The following FHIT variants were observed in gnomAD, a reference collection of about 807,000 sequenced individuals.
FHIT encodes the protein fragile histidine triad diadenosine triphosphatase.
Under a neutral mutation model 17.9 loss-of-function variants are expected in FHIT, and 19 were observed. The observed-to-expected ratio is 1.06, with a 90% CI of 0.74 to 1.56. FHIT has a LOEUF of 1.56. Among genes scored for constraint, FHIT ranks in the 40% most tolerant of loss-of-function variants. FHIT has a pLI of 0.00. For missense variants in FHIT, 248 were observed against 189.2 expected (o/e 1.31, Z -1.82); for synonymous variants, 81 against 69.7 (o/e 1.16, Z -0.81).
At chr3:60,485,257 G>GT (rs2033787059) in intron 5 of FHIT, among the ~76,000 whole-genome samples, 1 of 152,134 alleles carries the variant, frequency 6.6e-6, no homozygotes, top group African/African-American at 2.4e-5. Context: ...GATTCCTCAA[G>GT]GATCTAGAAC....
chr3:60,524,717 T>G, intron 5 of FHIT, among the ~76,000 whole-genome samples: 1 of 124,306 alleles, frequency 8.0e-6, no homozygotes, highest in South Asian at 3.1e-4. Flanking sequence ...ACCACATCAC[T>G]CCAGTCTGCC....
At chr3:60,637,673 T>A (rs1553684287) in intron 4 of FHIT, among the ~76,000 whole-genome samples, 1 of 152,212 alleles carries the variant, frequency 6.6e-6, no homozygotes, top group Non-Finnish European at 1.5e-5. Context: ...ATGTGAACAC[T>A]GAAGTGCAGA....
intron 3 of FHIT, among the ~76,000 whole-genome samples, chr3:61,004,234 G>C (rs1045340427): frequency 1.3e-5 from 2 of 152,120 alleles, no homozygotes; most frequent in Admixed American, 1.3e-4. Context: ...TAATGTTAAT[G>C]GCAAAAATGG....
At chr3:61,139,217 G>A (rs2037004488) in intron 2 of FHIT, among the ~76,000 whole-genome samples, 2 of 152,032 alleles carry the variant, frequency 1.3e-5, no homozygotes, top group Admixed American at 1.3e-4. Context: ...TTTTAGTAGA[G>A]ACGGGATTTC....
intron 3 of FHIT, among the ~76,000 whole-genome samples, chr3:60,983,759 TG>T (rs375697295): frequency 2.0e-5 from 3 of 152,102 alleles, no homozygotes; most frequent in African/African-American, 7.2e-5. Context: ...ATGGCAAGCA[TG>T]GGACATATAG....
chr3:60,988,632 C>T (rs1416821260), intron 3 of FHIT, among the ~76,000 whole-genome samples: 1 of 152,148 alleles, frequency 6.6e-6, no homozygotes, highest in East Asian at 1.9e-4. Context: ...AGCATTTGAT[C>T]GGCATGATAC....
At chr3:60,960,959 G>A (rs1709403371) in intron 3 of FHIT, among the ~76,000 whole-genome samples, 1 of 152,206 alleles carries the variant, frequency 6.6e-6, no homozygotes. Flanking sequence ...GTAATGGGAT[G>A]GCTGGGTCAA....
At chr3:60,432,917 C>T (rs1216657411) in intron 5 of FHIT, among the ~76,000 whole-genome samples, 1 of 148,870 alleles carries the variant, frequency 6.7e-6, no homozygotes, top group Non-Finnish European at 1.5e-5. Context: ...GAAGAATTGT[C>T]TTTTTTTTTT....
At chr3:60,524,796 C>T (rs1433939726) in intron 5 of FHIT, among the ~76,000 whole-genome samples, 1 of 152,134 alleles carries the variant, frequency 6.6e-6, no homozygotes, top group East Asian at 1.9e-4. Context: ...AGGACACTGC[C>T]ATTGGATGTA....
At chr3:59,856,998 T>C (rs969261343) in intron 8 of FHIT, among the ~76,000 whole-genome samples, 2 of 152,096 alleles carry the variant, frequency 1.3e-5, no homozygotes, top group Non-Finnish European at 2.9e-5. Flanking sequence ...TCACATAAGT[T>C]GCAAAAAGTC....
chr3:60,375,105 A>G (rs1245852087), intron 5 of FHIT, among the ~76,000 whole-genome samples: 1 of 16,734 alleles, frequency 6.0e-5, no homozygotes, highest in Admixed American at 4.0e-4. Flanking sequence ...GCTCCTTTTG[A>G]AAAAAAAAAA....
In FHIT at chr3:60,224,196, A is replaced by G. The variant is rs181825769; in HGVS notation, c.104-210044T>C. 4.0e-3 allele frequency among the ~76,000 whole-genome samples: 608 copies of G among 152,206 alleles called. 5 individuals are homozygous for G. The highest frequency in any genetic ancestry group is 5.8e-3 in the Non-Finnish European group (392 of 68,002). On this transcript the variant is annotated intron_variant, in intron 5 of 9. Transcript: ENST00000492590. Reference sequence around the variant, plus strand: ...GTACCGATTTTATCCCCCTTCCGCTATCTTCCAGAAGACAGCACTGAGGTT... The same window carrying G: ...GTACCGATTTTATCCCCCTTCCGCTGTCTTCCAGAAGACAGCACTGAGGTT...
chr3:60,477,713 T>C (rs899781245), intron 5 of FHIT, among the ~76,000 whole-genome samples: 29 of 152,338 alleles, frequency 1.9e-4, no homozygotes, highest in African/African-American at 7.0e-4. Context: ...CATGTAGATA[T>C]AAACATGTAT....
At position 60,277,709 on chromosome 3, in the gene FHIT, G is replaced by T. The variant is rs529901483; in HGVS notation, c.103+259151C>A. 3.3e-4 allele frequency among the ~76,000 whole-genome samples: 50 copies of T among 152,266 alleles called. 1 individual carries two copies. Among genetic ancestry groups the T allele is most frequent in the African/African-American group, 1.2e-3 (49 of 41,556 alleles). On this transcript the variant is annotated intron_variant, in intron 5 of 9. Coordinates refer to ENST00000492590, the MANE Select transcript of FHIT (RefSeq NM_002012.4). The stretch of plus-strand genomic sequence containing the variant: ...CAATGCACTCTGCCACAGGCTGGAA[G>T]TCTCATTCAGGCACCCTTTTCTCTC...
intron 5 of FHIT, among the ~76,000 whole-genome samples, chr3:60,483,154 C>A (rs997035390): frequency 6.6e-6 from 1 of 152,048 alleles, no homozygotes; most frequent in East Asian, 1.9e-4. Context: ...TTGAACAGAC[C>A]AATAATAAGT....
At chr3:60,342,681 C>T (rs1039253836) in intron 5 of FHIT, among the ~76,000 whole-genome samples, 2 of 152,060 alleles carry the variant, frequency 1.3e-5, no homozygotes, top group African/African-American at 4.8e-5. Flanking sequence ...TTGAGCCCAA[C>T]AAGATTTTGG....
rs1027141783 is a variant in FHIT, at chr3:60,382,256, A to G, written c.103+154604T>C. On this transcript the variant is annotated intron_variant, in intron 5 of 9. Coordinates refer to ENST00000492590, the MANE Select transcript of FHIT (RefSeq NM_002012.4). ...GACATAGAATTGCGGAGTGGTGCCC[A>G]CATACACCAAACATGGCTCATAAGA... 9.2e-5 allele frequency among the ~76,000 whole-genome samples: 14 copies of G among 152,246 alleles called. No individual in the cohort carries two copies. In the South Asian group the frequency reaches 1.0e-3, roughly 11 times the overall value.
At chr3:60,203,709 A>C (rs1437535515) in intron 5 of FHIT, among the ~76,000 whole-genome samples, 1 of 152,216 alleles carries the variant, frequency 6.6e-6, no homozygotes, top group Admixed American at 6.5e-5. Context: ...AATCATTCTT[A>C]AAATATTTGA....
intron 5 of FHIT, among the ~76,000 whole-genome samples, chr3:60,274,704 CT>C (rs1219775799): frequency 6.6e-6 from 1 of 152,124 alleles, no homozygotes. Flanking sequence ...GATATAGTCT[CT>C]TGGACTCCAC....
Sources: gnomAD v4.1 joint callset for allele counts (sites outside exome capture counted in the v4.1 genomes callset) on GRCh38, gnomAD v4.1.1 for gene constraint, MANE v1.5 for transcripts, NCBI Gene and HGNC (gene_info 2026-07-23, HGNC 2026-07-21) for gene names.